The following GSE1 variants were observed in gnomAD, a reference collection of about 807,000 sequenced individuals.
GSE1 encodes genetic suppressor element 1.
A neutral mutation model predicts 112.6 loss-of-function variants in GSE1; 32 were observed. The ratio of observed to expected loss-of-function variants is 0.28; its 90% CI spans 0.21 to 0.38. GSE1 has a LOEUF of 0.38. Among genes scored for constraint, GSE1 ranks in the 10% least tolerant of loss-of-function variants. GSE1 has a pLI of 1.00. For synonymous variants in GSE1, 1,115 were observed against 735.6 expected (o/e 1.52, Z -8.35); for missense variants, 2,348 against 1,699.2 (o/e 1.38, Z -6.71).
chr16:85,541,783 G>A (rs1030139302), intron 2 of GSE1, among the ~76,000 whole-genome samples: 1 of 152,232 alleles, frequency 6.6e-6, no homozygotes, highest in South Asian at 2.1e-4. Context: ...CCACATGCGT[G>A]TACTCTGTCA....
chr16:85,482,727 C>T (rs1008062227), intron 2 of GSE1, among the ~76,000 whole-genome samples: 5 of 152,222 alleles, frequency 3.3e-5, no homozygotes, highest in Admixed American at 1.3e-4. Flanking sequence ...CCTGTAATCC[C>T]AGCACTTTGG....
intron 1 of GSE1, among the ~76,000 whole-genome samples, chr16:85,627,863 C>T (rs1192120372): frequency 6.6e-6 from 1 of 152,248 alleles, no homozygotes; most frequent in Non-Finnish European, 1.5e-5. Flanking sequence ...GGGCCTCCCT[C>T]TCCCCGCCAT....
upstream of GSE1, among the ~76,000 whole-genome samples, chr16:85,551,371 C>G (rs1009670207): frequency 6.6e-6 from 1 of 152,178 alleles, no homozygotes; most frequent in Non-Finnish European, 1.5e-5. Context: ...TCACCCCTAG[C>G]CAGGCCATAG....
At chr16:85,170,681 T>A in exon 1 of GSE1, 1 of 985,682 alleles carries the variant, frequency 1.0e-6, no homozygotes, top group Non-Finnish European at 1.2e-6. Flanking sequence ...CAGGTCCACG[T>A]GCAGAAGCAG....
rs779033946 is a variant in GSE1, at chr16:85,665,166, C to T, written c.2758+38C>T. 10 of 1,263,584 alleles carry T rather than the reference C, an allele frequency of 7.9e-6. No homozygotes were observed. The South Asian group carries it at 1.2e-4, about 15-fold the overall frequency. The allele number at this position is 1,263,584 out of a possible 1,614,324, so 78.3% of individuals were successfully genotyped here. Reference sequence around the variant, plus strand: ...TAGCCCCACCTGCCACCACCCAGGACCATCCCATGGGCTGCCCAGGCTCAG... The same window carrying T: ...TAGCCCCACCTGCCACCACCCAGGATCATCCCATGGGCTGCCCAGGCTCAG... On this transcript the variant is annotated intron_variant, in intron 12 of 15. Coordinates refer to ENST00000253458, the MANE Select transcript of GSE1 (RefSeq NM_014615.5).
At chr16:85,519,521 ATCACC>A (rs1355844134) in intron 2 of GSE1, among the ~76,000 whole-genome samples, 22 of 1,274 alleles carry the variant, frequency 0.017, 6 homozygotes, top group African/African-American at 0.076. Context: ...CTCCATCATC[ATCACC>A]TTCACCACCA....
chr16:85,668,656 G>C (rs1173163573), intron 14 of GSE1, among the ~76,000 whole-genome samples: 1 of 152,210 alleles, frequency 6.6e-6, no homozygotes, highest in Non-Finnish European at 1.5e-5. Flanking sequence ...TGCCAGCTCT[G>C]GTGGCACCTG....
intron 1 of GSE1, among the ~76,000 whole-genome samples, chr16:85,309,735 G>A (rs561702753): frequency 1.3e-5 from 2 of 152,348 alleles, no homozygotes; most frequent in South Asian, 2.1e-4. Flanking sequence ...CAGTGCTGTC[G>A]CGGTGCTGCA....
At chr16:85,515,257 A>G (rs1180227023) in intron 2 of GSE1, among the ~76,000 whole-genome samples, 1 of 152,114 alleles carries the variant, frequency 6.6e-6, no homozygotes, top group East Asian at 1.9e-4. Flanking sequence ...CCCCGTCCTC[A>G]GGGTCCTGCA....
Position 85,304,605 on chromosome 16 carries a change from G to GA in GSE1, c.2284-52858_2284-52857insA, listed in dbSNP as rs1555557441. ...TGGCAGCTGCCAAGCCGGGGGCGGG[G>GA]GGGTGGGGCATCCCTTTTGCCTTGA... On this transcript the variant is annotated intron_variant, in intron 1 of 2. Transcript: ENST00000637419. 1.0e-4 allele frequency among the ~76,000 whole-genome samples: 13 copies of GA among 130,182 alleles called. 2 individuals carry two copies. The highest frequency in any genetic ancestry group is 3.7e-4 in the African/African-American group (12 of 32,820). The allele number at this position is 130,182 out of a possible 152,430, so 85.4% of individuals were successfully genotyped here.
In GSE1 at chr16:85,668,346, G is replaced by A. The variant is rs947942011; in HGVS notation, c.3337G>A (p.Glu1113Lys). 7.4e-6 allele frequency: 12 copies of A among 1,613,448 alleles called. No homozygotes were observed. The highest frequency in any genetic ancestry group is 1.0e-5 in the Non-Finnish European group (12 of 1,179,592). The change falls in exon 14 of 16, where the codon GAA (glutamate) becomes AAA (lysine). Residue 1113 changes from glutamate to lysine, a missense_variant. Coordinates refer to ENST00000253458, the MANE Select transcript of GSE1 (RefSeq NM_014615.5). The part of the protein sequence containing the change: ...EEEEEDDEDG[E>K]DEEEVPKRKW... ...GGAAGAGGAGGATGATGAAGATGGA[G>A]AAGATGAGGAGGAAGTCCCCAAGCG...
intron 1 of GSE1, chr16:85,593,979 C>G (rs960340281): frequency 2.0e-5 from 3 of 152,136 alleles, no homozygotes; most frequent in African/African-American, 7.3e-5. Context: ...TTGCTGGGGT[C>G]CGCGCCTGGC....
intron 1 of GSE1, among the ~76,000 whole-genome samples, chr16:85,238,604 C>T (rs911423259): frequency 6.6e-6 from 1 of 152,186 alleles, no homozygotes. Context: ...AGCCTCTGCA[C>T]TCCCCCTTGG....
chr16:85,401,420 G>A (rs903145500), intron 2 of GSE1, among the ~76,000 whole-genome samples: 4 of 152,188 alleles, frequency 2.6e-5, no homozygotes, highest in South Asian at 2.1e-4. Context: ...CTGCCCCAGC[G>A]GGACCGGAGC....
At chr16:85,294,813 G>A (rs934856301) in intron 1 of GSE1, among the ~76,000 whole-genome samples, 1 of 151,792 alleles carries the variant, frequency 6.6e-6, no homozygotes, top group African/African-American at 2.4e-5. Flanking sequence ...AGAAGGGGTG[G>A]GGATCTCTTG....
intron 1 of GSE1, among the ~76,000 whole-genome samples, chr16:85,344,875 C>T (rs549786367): frequency 1.3e-5 from 2 of 152,344 alleles, no homozygotes; most frequent in South Asian, 2.1e-4. Context: ...TGCTTCAGAA[C>T]GAGCTGTCTG....
intron 1 of GSE1, among the ~76,000 whole-genome samples, chr16:85,337,643 C>A (rs1463136984): frequency 6.6e-6 from 1 of 150,894 alleles, no homozygotes; most frequent in South Asian, 2.1e-4. Flanking sequence ...GGGGACCTGG[C>A]GCAGGGATGG....
chr16:85,536,368 C>G (rs1196171452), intron 2 of GSE1, among the ~76,000 whole-genome samples: 1 of 152,158 alleles, frequency 6.6e-6, no homozygotes, highest in Non-Finnish European at 1.5e-5. Flanking sequence ...GAAATAGAGC[C>G]CCATCCAGAA....
chr16:85,517,842 C>A (rs771806424), intron 2 of GSE1, among the ~76,000 whole-genome samples: 1 of 152,254 alleles, frequency 6.6e-6, no homozygotes, highest in Non-Finnish European at 1.5e-5. Flanking sequence ...CAGGCTCCGC[C>A]GTGAAGAACG....
Sources: allele counts gnomAD v4.1 joint callset (sites outside exome capture counted in the v4.1 genomes callset), GRCh38; gene constraint gnomAD v4.1.1; transcripts MANE v1.5; gene names NCBI Gene and HGNC (gene_info 2026-07-23, HGNC 2026-07-21).